CPED1: variants seen among roughly 807,000 people sequenced by gnomAD.
CPED1 encodes cadherin like and PC-esterase domain containing 1, also known as cadherin-like and PC-esterase domain-containing protein 1.
A neutral mutation model predicts 128.2 loss-of-function variants in CPED1; 114 were observed. That is an observed-to-expected ratio of 0.89 (90% CI 0.76 to 1.04). The LOEUF (loss-of-function observed/expected upper bound fraction) is 1.04. Among genes scored for constraint, CPED1 ranks in the 50% least tolerant of loss-of-function variants. The pLI is 0.00. For synonymous variants in CPED1, 462 were observed against 426.7 expected (o/e 1.08, Z -1.02); for missense variants, 1,211 against 1,207.1 (o/e 1.00, Z -0.05).
At position 121,236,740 on chromosome 7, in the gene CPED1, G is replaced by A. The variant is rs1798263678; in HGVS notation, c.2082G>A (p.Glu694=). The A allele has an allele frequency of 1.2e-6, 2 of 1,603,786 alleles. No homozygotes were observed. Among genetic ancestry groups the A allele is most frequent in the Admixed American group, 3.5e-5 (2 of 57,608 alleles). The part of the protein sequence containing the change: ...VQDCGLLIHP[E]ETCGLQPISS... ...ATTGTGGTTTGCTGATTCATCCAGA[G>A]GAAACCTGTGGGTTACAGCCTATTT... Residue 694 remains glutamate (E), a synonymous_variant, in exon 17 of 23, where the codon GAG becomes GAA. Coordinates refer to ENST00000310396, the MANE Select transcript of CPED1 (RefSeq NM_024913.5).
intron 2 of CPED1, among the ~76,000 whole-genome samples, chr7:121,006,892 G>A (rs1792029536): frequency 6.6e-6 from 1 of 152,066 alleles, no homozygotes; most frequent in African/African-American, 2.4e-5. Context: ...AAAGAGAAAA[G>A]GGAAAATTTA....
chr7:121,057,333 T>A (rs1041288775), intron 4 of CPED1, among the ~76,000 whole-genome samples: 2 of 152,116 alleles, frequency 1.3e-5, no homozygotes, highest in Non-Finnish European at 2.9e-5. Flanking sequence ...ACATGTGTAG[T>A]TTTGTTACAT....
At chr7:121,180,631 C>A (rs536702010) in intron 16 of CPED1, among the ~76,000 whole-genome samples, 1 of 151,994 alleles carries the variant, frequency 6.6e-6, no homozygotes, top group South Asian at 2.1e-4. Context: ...CTATTATTAG[C>A]CCGAGATTTT....
At chr7:121,237,038 C>T (rs1524507) in intron 17 of CPED1, among the ~76,000 whole-genome samples, 66,458 of 151,566 alleles carry the variant, frequency 0.44, 15,025 homozygotes, top group Middle Eastern at 0.56. Flanking sequence ...CCCCTTTTTG[C>T]CCAGTTAATC....
chr7:121,081,938 T>C (rs1449669506), intron 5 of CPED1, among the ~76,000 whole-genome samples: 1 of 152,168 alleles, frequency 6.6e-6, no homozygotes, highest in Admixed American at 6.5e-5. Context: ...CCACATTAGC[T>C]GAGAGGGCCT....
intron 18 of CPED1, among the ~76,000 whole-genome samples, chr7:121,250,324 G>C (rs1331520630): frequency 6.6e-6 from 1 of 151,824 alleles, no homozygotes; most frequent in Non-Finnish European, 1.5e-5. Flanking sequence ...TCAAAGCAGT[G>C]TGTAGAGGGA....
chr7:121,100,243 T>C lies in CPED1; in HGVS notation c.918+149T>C, dbSNP rs111441190. The C allele has an allele frequency of 1.3e-4, 92 of 704,432 alleles. No individual in the cohort carries two copies. The African/African-American group carries it at 1.4e-3, about 11-fold the overall frequency. 43.6% of individuals were successfully genotyped at this position (704,432 alleles called of 1,614,324 possible). A position where few individuals can be genotyped will look rare whatever the true frequency, so the allele number is the denominator to read the frequency against. On this transcript the variant is annotated intron_variant, in intron 7 of 22. Transcript: ENST00000310396. ...TATTGCCGCAAGAAAAGATTTTCAC[T>C]TAATAGGTGCAGGTTTAAAAATGAA...
chr7:121,056,338 A>G (rs1793498822), intron 4 of CPED1, among the ~76,000 whole-genome samples: 1 of 152,216 alleles, frequency 6.6e-6, no homozygotes, highest in Non-Finnish European at 1.5e-5. Context: ...TCTCCTATTT[A>G]AAATAAGTTT....
chr7:121,286,947 G>T (rs1792591312), intron 22 of CPED1, among the ~76,000 whole-genome samples: 1 of 152,166 alleles, frequency 6.6e-6, no homozygotes, highest in African/African-American at 2.4e-5. Flanking sequence ...GAGGAAGCAG[G>T]CACCTTCTTC....
At chr7:121,288,800 A>C (rs1792634827) in intron 22 of CPED1, among the ~76,000 whole-genome samples, 2 of 152,212 alleles carry the variant, frequency 1.3e-5, no homozygotes, top group African/African-American at 4.8e-5. Context: ...CAAAAGCCAG[A>C]ACTCTAGATA....
chr7:121,090,172 C>T (rs554952595), intron 5 of CPED1, among the ~76,000 whole-genome samples: 11 of 152,280 alleles, frequency 7.2e-5, no homozygotes, highest in African/African-American at 1.9e-4. Context: ...TCATGGCTTG[C>T]GTTTACTGAG....
chr7:121,015,549 T>G (rs2116812969), intron 2 of CPED1, 116 bp from the exon 3 acceptor site: 1 of 936,476 alleles, frequency 1.1e-6, no homozygotes, highest in African/African-American at 1.7e-5. Context: ...TGCCTTTCAC[T>G]TCTAGAGAAA....
chr7:121,183,456 G>A (rs996803534), intron 16 of CPED1, among the ~76,000 whole-genome samples: 6 of 152,148 alleles, frequency 3.9e-5, no homozygotes, highest in Non-Finnish European at 7.4e-5. Flanking sequence ...GACAGTATAT[G>A]CTCTCAGAAA....
chr7:121,172,657 GATAC>G (rs1415611101), intron 16 of CPED1, among the ~76,000 whole-genome samples: 220 of 142,246 alleles, frequency 1.5e-3, no homozygotes, highest in Non-Finnish European at 2.5e-3. Context: ...TGGATGGATG[GATAC>G]ATAGATAGAT....
chr7:121,246,938 T>G (rs764664572), intron 18 of CPED1, among the ~76,000 whole-genome samples: 1 of 152,230 alleles, frequency 6.6e-6, no homozygotes, highest in Non-Finnish European at 1.5e-5. Flanking sequence ...GCTCAGAAAT[T>G]CAAATTTGCC....
chr7:121,235,676 T>C (rs1322081059), intron 16 of CPED1, among the ~76,000 whole-genome samples: 1 of 152,160 alleles, frequency 6.6e-6, no homozygotes, highest in Non-Finnish European at 1.5e-5. Context: ...TGGTTCCATA[T>C]GTGAGTGGAA....
chr7:121,169,682 A>T (rs1796607308), intron 16 of CPED1, among the ~76,000 whole-genome samples: 1 of 152,194 alleles, frequency 6.6e-6, no homozygotes, highest in Non-Finnish European at 1.5e-5. Flanking sequence ...TATTTGTTGA[A>T]TGAATGGATG....
intron 22 of CPED1, among the ~76,000 whole-genome samples, chr7:121,291,909 C>T (rs995062008): frequency 6.6e-6 from 1 of 152,084 alleles, no homozygotes; most frequent in Non-Finnish European, 1.5e-5. Flanking sequence ...CTAGCTTTTG[C>T]CCATTCAGTA....
At chr7:121,047,688 CTTCTTCTTCTTCTTCTTCTTCTTCTTCTT>C (rs1250125474) in intron 4 of CPED1, among the ~76,000 whole-genome samples, 25 of 16,468 alleles carry the variant, frequency 1.5e-3, no homozygotes, top group Admixed American at 3.3e-3. Context: ...TCTTCTTCTT[CTTCTTCTTCTTCTTCTTCTTCTTCTTCTT>C]TTTTTTTTTT....
Sources: gnomAD v4.1 joint callset for allele counts (sites outside exome capture counted in the v4.1 genomes callset) on GRCh38, gnomAD v4.1.1 for gene constraint, MANE v1.5 for transcripts, NCBI Gene and HGNC (gene_info 2026-07-23, HGNC 2026-07-21) for gene names.